Variants in MYT1L observed in about 807,000 individuals in gnomAD.
The protein encoded by MYT1L is myelin transcription factor 1-like protein.
A neutral mutation model predicts 126.7 loss-of-function variants in MYT1L; 12 were observed. The observed-to-expected ratio is 0.09, with a 90% CI of 0.06 to 0.15. The LOEUF (loss-of-function observed/expected upper bound fraction) is 0.15. MYT1L is among the 10% of genes least tolerant of loss of function. MYT1L has a pLI of 1.00. For missense variants in MYT1L, 979 were observed against 1,585.2 expected, an observed-to-expected ratio of 0.62 and a Z score of 6.49; for synonymous variants, 541 against 604.2, an observed-to-expected ratio of 0.90 and a Z score of 1.53.
chr2:1,874,718 T>A (rs949710828), intron 18 of MYT1L, among the ~76,000 whole-genome samples: 2 of 152,162 alleles, frequency 1.3e-5, no homozygotes, highest in African/African-American at 4.8e-5. Context: ...GCCACCTCCA[T>A]GTGATGCTGC....
rs540241161 is a variant in MYT1L, at chr2:2,318,536, T to C, written c.-521+12431A>G. Among the ~76,000 whole-genome samples the C allele has an allele frequency of 1.4e-4, 21 of 152,316 alleles. No individual in the cohort carries two copies. The East Asian group carries it at 3.5e-3, about 25-fold the overall frequency. On this transcript the variant is annotated intron_variant, in intron 1 of 24. Transcript: ENST00000647738. ...GGAAAAAGGATTGTTTTTGAGCTAATATAATCCCAGGAACAGCATATTAGC... is the reference window on the plus strand; with the variant it reads ...GGAAAAAGGATTGTTTTTGAGCTAACATAATCCCAGGAACAGCATATTAGC...
intron 3 of MYT1L, among the ~76,000 whole-genome samples, chr2:2,122,629 C>T (rs2081184338): frequency 1.3e-5 from 2 of 152,218 alleles, no homozygotes; most frequent in Admixed American, 1.3e-4. Flanking sequence ...ACAGCCATTA[C>T]TTGGACATTG....
chr2:2,206,404 T>C (rs1025505335), intron 2 of MYT1L, among the ~76,000 whole-genome samples: 8 of 152,226 alleles, frequency 5.3e-5, no homozygotes, highest in African/African-American at 1.4e-4. Context: ...ATCCTTTTGA[T>C]AAAACGTCCA....
intron 2 of MYT1L, among the ~76,000 whole-genome samples, chr2:2,188,446 C>T (rs2092359520): frequency 3.3e-5 from 5 of 152,162 alleles, no homozygotes; most frequent in Admixed American, 3.3e-4. Context: ...ACGCTCACGC[C>T]GATAGGAGCC....
intron 3 of MYT1L, among the ~76,000 whole-genome samples, chr2:2,114,382 A>C (rs2079919992): frequency 6.6e-6 from 1 of 152,224 alleles, no homozygotes; most frequent in South Asian, 2.1e-4. Flanking sequence ...CTATGTTGAC[A>C]AATGAAAGAC....
Position 1,798,198 on chromosome 2 carries a change from C to CA in MYT1L, c.3276+3497_3276+3498insT, listed in dbSNP as rs1301871381. 1.0e-3 allele frequency among the ~76,000 whole-genome samples: 28 copies of CA among 27,586 alleles called. 7 individuals carry two copies. Among genetic ancestry groups the CA allele is most frequent in the African/African-American group, 1.7e-3 (14 of 8,242 alleles). 18.1% of individuals were successfully genotyped at this position (27,586 alleles called of 152,430 possible). Reference sequence around the variant, plus strand: ...GCACAGGCGCGGCGGTCTCCCTCTTCTCCGGCACAGGCGCGGCGGTCTCCC... The same window carrying CA: ...GCACAGGCGCGGCGGTCTCCCTCTTCATCCGGCACAGGCGCGGCGGTCTCCC... On this transcript the variant is annotated intron_variant, in intron 23 of 24. Transcript: ENST00000647738.
chr2:2,261,575 A>T (rs1315842711), intron 2 of MYT1L, among the ~76,000 whole-genome samples: 1 of 152,240 alleles, frequency 6.6e-6, no homozygotes, highest in East Asian at 1.9e-4. Flanking sequence ...TGAGATGTTC[A>T]GATTTGGCTA....
At chr2:2,219,099 C>T (rs58789813) in intron 2 of MYT1L, among the ~76,000 whole-genome samples, 2,100 of 152,190 alleles carry the variant, frequency 0.014, 50 homozygotes, top group African/African-American at 0.047. Flanking sequence ...GTTGTCTCGC[C>T]GTCACATTGC....
intron 1 of MYT1L, among the ~76,000 whole-genome samples, chr2:2,307,356 G>T (rs192196090): frequency 7.2e-5 from 11 of 152,110 alleles, no homozygotes; most frequent in South Asian, 4.2e-4. Context: ...GGTGTGTGGC[G>T]TCATGGCTAC....
chr2:2,036,763 A>C (rs112388416), intron 4 of MYT1L, among the ~76,000 whole-genome samples: 3,955 of 152,324 alleles, frequency 0.026, 165 homozygotes, highest in African/African-American at 0.087. Context: ...CCATTCCAGC[A>C]CCTTGGCATT....
intron 1 of MYT1L, among the ~76,000 whole-genome samples, chr2:2,312,563 T>G (rs544501555): frequency 6.6e-6 from 1 of 151,948 alleles, no homozygotes; most frequent in Non-Finnish European, 1.5e-5. Flanking sequence ...CAGTGAGCTG[T>G]GATTGCACCA....
intron 5 of MYT1L, among the ~76,000 whole-genome samples, chr2:1,980,429 T>A: frequency 6.6e-6 from 1 of 151,680 alleles, no homozygotes; most frequent in East Asian, 1.9e-4. Context: ...GAAGAACACG[T>A]TTTACCATCA....
chr2:2,186,252 C>T (rs1021521289), intron 2 of MYT1L, among the ~76,000 whole-genome samples: 4 of 143,542 alleles, frequency 2.8e-5, no homozygotes, highest in Admixed American at 6.7e-5. Flanking sequence ...GCAGCCAGGC[C>T]TTCCGGGCCT....
intron 1 of MYT1L, among the ~76,000 whole-genome samples, chr2:2,313,537 G>T (rs1200849571): frequency 6.6e-6 from 1 of 151,632 alleles, no homozygotes; most frequent in African/African-American, 2.4e-5. Flanking sequence ...TAATGGAAAT[G>T]GTATAAGGAG....
intron 18 of MYT1L, among the ~76,000 whole-genome samples, chr2:1,862,689 T>A (rs939839609): frequency 1.3e-5 from 2 of 152,202 alleles, no homozygotes; most frequent in Admixed American, 6.5e-5. Flanking sequence ...CTGCTTCTCA[T>A]GTCTTCCCTC....
At chr2:1,995,225 C>G (rs1423318089) in intron 5 of MYT1L, among the ~76,000 whole-genome samples, 1 of 151,690 alleles carries the variant, frequency 6.6e-6, no homozygotes, top group Admixed American at 6.6e-5. Context: ...GTTTATGTGA[C>G]GGGGTGGATG....
intron 8 of MYT1L, among the ~76,000 whole-genome samples, chr2:1,964,913 G>A (rs2059221139): frequency 2.0e-5 from 3 of 152,196 alleles, no homozygotes; most frequent in South Asian, 4.1e-4. Flanking sequence ...ACTGACAGCC[G>A]TGGGTACAGG....
At chr2:1,821,036 G>A (rs536786327) in intron 21 of MYT1L, among the ~76,000 whole-genome samples, 3 of 152,260 alleles carry the variant, frequency 2.0e-5, no homozygotes, top group South Asian at 4.1e-4. Flanking sequence ...TTGTGGAGCC[G>A]GTCCCAGATG....
At chr2:1,934,759 C>CACACACAT (rs2055614783) in intron 9 of MYT1L, among the ~76,000 whole-genome samples, 1 of 151,872 alleles carries the variant, frequency 6.6e-6, no homozygotes, top group African/African-American at 2.4e-5. Context: ...CACACACACA[C>CACACACAT]ACACACACAC....
Sources: allele counts gnomAD v4.1 joint callset (sites outside exome capture counted in the v4.1 genomes callset), GRCh38; gene constraint gnomAD v4.1.1; transcripts MANE v1.5; gene names NCBI Gene and HGNC (gene_info 2026-07-23, HGNC 2026-07-21).